Variants in VPS13B observed in about 807,000 individuals in gnomAD.
VPS13B encodes the protein vacuolar protein sorting 13 homolog B, also known as intermembrane lipid transfer protein VPS13B.
VPS13B carries 285 observed loss-of-function variants against 426.4 expected under a neutral mutation model. The observed-to-expected ratio is 0.67, with a 90% confidence interval of 0.61 to 0.74. VPS13B has a LOEUF of 0.74. Ranked by LOEUF, VPS13B falls within the 30% of genes least tolerant of loss-of-function variation. The pLI, the probability that VPS13B is intolerant of heterozygous loss-of-function variation, is 0.00. For missense variants in VPS13B, 4,537 were observed against 4,782.6 expected (o/e 0.95, Z 1.51); for synonymous variants, 1,676 against 1,676.4 (o/e 1.00, Z 0.01).
chr8:99,763,135 CAAAAAAAAAAAAAAAA>C (rs750289763), intron 39 of VPS13B, among the ~76,000 whole-genome samples: 3 of 35,848 alleles, frequency 8.4e-5, no homozygotes, highest in Admixed American at 2.6e-4. Flanking sequence ...GACCTTGTCT[CAAAAAAAAAAAAAAAA>C]AAAAAAAAAA....
intron 2 of VPS13B, among the ~76,000 whole-genome samples, chr8:99,032,387 CTAT>C (rs1006670941): frequency 3.3e-5 from 5 of 151,896 alleles, no homozygotes; most frequent in Non-Finnish European, 5.9e-5. Flanking sequence ...TATCATTTTG[CTAT>C]TATTTTCTGT....
chr8:99,015,409 G>A (rs768921887), intron 2 of VPS13B, among the ~76,000 whole-genome samples: 1 of 150,512 alleles, frequency 6.6e-6, no homozygotes, highest in Non-Finnish European at 1.5e-5. Flanking sequence ...GTAGAGATGG[G>A]GTTTCACCGT....
At chr8:99,123,998 T>C (rs187561651) in intron 8 of VPS13B, among the ~76,000 whole-genome samples, 1 of 152,302 alleles carries the variant, frequency 6.6e-6, no homozygotes, top group African/African-American at 2.4e-5. Context: ...GTCATGATCA[T>C]ATTAAGACTG....
rs1219748926 is a variant in VPS13B, at chr8:99,853,471, C to T, written c.10082C>T (p.Thr3361Ile). ...NTNRAPEKIV[T>I]FKMFITQLSL... ...TCTAGAGCGCCAGAGAAGATTGTTACATTTAAAATGTTCATCACTCAGTTA... is the reference window on the plus strand; with the variant it reads ...TCTAGAGCGCCAGAGAAGATTGTTATATTTAAAATGTTCATCACTCAGTTA... The change falls in exon 56 of 62, where the codon ACA becomes ATA. Residue 3361 changes from threonine (T) to isoleucine (I), a missense_variant. Coordinates refer to ENST00000357162, the MANE Select transcript of VPS13B (RefSeq NM_152564.5). The T allele has an allele frequency of 6.2e-7, 1 of 1,614,176 alleles. No individual in the cohort carries two copies. The highest frequency in any genetic ancestry group is 1.1e-5 in the South Asian group (1 of 91,068).
chr8:99,242,841 T>C (rs1403478664), intron 17 of VPS13B, among the ~76,000 whole-genome samples: 1 of 152,220 alleles, frequency 6.6e-6, no homozygotes, highest in Non-Finnish European at 1.5e-5. Context: ...TTTACAAATT[T>C]AAATAGTGTT....
At chr8:99,246,766 T>A (rs1252703748) in intron 17 of VPS13B, among the ~76,000 whole-genome samples, 2 of 151,254 alleles carry the variant, frequency 1.3e-5, no homozygotes, top group Non-Finnish European at 2.9e-5. Context: ...CTCAGGAAGC[T>A]GAGGCAGGAG....
At chr8:99,431,443 G>A in intron 21 of VPS13B, 94 bp from the exon 22 acceptor site, 2 of 1,451,666 alleles carry the variant, frequency 1.4e-6, no homozygotes, top group East Asian at 2.3e-5. Flanking sequence ...ATAATTTTAA[G>A]CAAGGAAAGA....
chr8:99,132,185 C>T (rs1809841859), intron 8 of VPS13B, among the ~76,000 whole-genome samples: 1 of 152,192 alleles, frequency 6.6e-6, no homozygotes. Flanking sequence ...GCGTGAGCCA[C>T]TGTGTCCGGC....
intron 30 of VPS13B, among the ~76,000 whole-genome samples, chr8:99,554,771 G>T (rs1332415046): frequency 2.0e-5 from 3 of 151,992 alleles, no homozygotes; most frequent in African/African-American, 7.3e-5. Flanking sequence ...AATGAAACTA[G>T]AACATTCTTC....
chr8:99,182,951 C>T (rs965606798), intron 16 of VPS13B, among the ~76,000 whole-genome samples: 1 of 152,072 alleles, frequency 6.6e-6, no homozygotes, highest in African/African-American at 2.4e-5. Flanking sequence ...ATTATGTTGG[C>T]CAGACTTGAA....
intron 24 of VPS13B, among the ~76,000 whole-genome samples, chr8:99,478,641 G>A (rs998412467): frequency 3.1e-4 from 47 of 151,164 alleles, no homozygotes; most frequent in East Asian, 1.9e-4. Context: ...TACAGACGGC[G>A]TTTCACCATG....
At position 99,876,021 on chromosome 8, in the gene VPS13B, T is replaced by G. The variant is rs1200305534; in HGVS notation, c.*355T>G. On this transcript the variant is annotated 3_prime_UTR_variant, in exon 62 of 62. Coordinates refer to ENST00000357162, the MANE Select transcript of VPS13B (RefSeq NM_152564.5). Reference sequence around the variant, plus strand: ...TGATTAACAGGGCCCTATATGTTCTTACCACATACAGAGGATGCATTTATT... The same window carrying G: ...TGATTAACAGGGCCCTATATGTTCTGACCACATACAGAGGATGCATTTATT... The G allele has an allele frequency of 3.4e-6, 1 of 296,382 alleles. No individual in the cohort carries two copies. The highest frequency in any genetic ancestry group is 6.4e-6 in the Non-Finnish European group (1 of 155,568). 18.4% of individuals were successfully genotyped at this position (296,382 alleles called of 1,614,324 possible).
intron 30 of VPS13B, among the ~76,000 whole-genome samples, chr8:99,539,357 T>A (rs1305580932): frequency 6.6e-6 from 1 of 152,220 alleles, no homozygotes; most frequent in Non-Finnish European, 1.5e-5. Context: ...TTATAATTTT[T>A]GTATTTTATA....
intron 19 of VPS13B, among the ~76,000 whole-genome samples, chr8:99,318,803 G>A (rs1809819356): frequency 6.6e-6 from 1 of 152,146 alleles, no homozygotes; most frequent in African/African-American, 2.4e-5. Flanking sequence ...TTACAGGTGT[G>A]AGCCACCACA....
intron 44 of VPS13B, among the ~76,000 whole-genome samples, chr8:99,815,554 A>G (rs1813982788): frequency 6.8e-6 from 1 of 147,992 alleles, no homozygotes; most frequent in Non-Finnish European, 1.5e-5. Context: ...TCACACACAC[A>G]CCCAGAATAA....
chr8:99,232,517 GA>G (rs1003072320), intron 17 of VPS13B, among the ~76,000 whole-genome samples: 9 of 150,866 alleles, frequency 6.0e-5, no homozygotes, highest in Admixed American at 3.9e-4. Flanking sequence ...TCTTTAAAAA[GA>G]AAAAAAAATT....
chr8:99,107,914 A>G (rs1563544504), intron 5 of VPS13B, among the ~76,000 whole-genome samples: 1 of 152,178 alleles, frequency 6.6e-6, no homozygotes, highest in Non-Finnish European at 1.5e-5. Flanking sequence ...TGCATGTTGC[A>G]TGCATTTGGT....
At chr8:99,168,161 A>G (rs1812118485) in intron 15 of VPS13B, among the ~76,000 whole-genome samples, 1 of 152,132 alleles carries the variant, frequency 6.6e-6, no homozygotes, top group Non-Finnish European at 1.5e-5. Context: ...TTAGAAGGTA[A>G]CTTCTTTGTC....
intron 31 of VPS13B, among the ~76,000 whole-genome samples, chr8:99,566,698 C>A (rs1407101651): frequency 2.6e-5 from 4 of 152,186 alleles, no homozygotes; most frequent in Non-Finnish European, 4.4e-5. Flanking sequence ...CAGCCTTGGC[C>A]TCCCAAAGTA....
Sources: allele counts gnomAD v4.1 joint callset (sites outside exome capture counted in the v4.1 genomes callset), GRCh38; gene constraint gnomAD v4.1.1; transcripts MANE v1.5; gene names NCBI Gene and HGNC (gene_info 2026-07-23, HGNC 2026-07-21).